Variants in E2F2 observed in about 807,000 individuals in gnomAD.
E2F2 encodes transcription factor E2F2.
E2F2 carries 22 observed loss-of-function variants against 42.2 expected under a neutral mutation model. The ratio of observed to expected loss-of-function variants is 0.52; its 90% CI spans 0.37 to 0.74. The LOEUF (loss-of-function observed/expected upper bound fraction) is 0.74, where lower values mean the gene tolerates loss of function less well. Ranked by LOEUF, E2F2 falls within the 30% of genes least tolerant of loss-of-function variation. The pLI, the probability that E2F2 is intolerant of heterozygous loss-of-function variation, is 0.00. For missense variants in E2F2, 481 were observed against 557.8 expected, an observed-to-expected ratio of 0.86 and a Z score of 1.39; for synonymous variants, 248 against 251.6, an observed-to-expected ratio of 0.99 and a Z score of 0.13.
chr1:23,521,721 A>G (rs1470776539), intron 3 of E2F2, 116 bp downstream of exon 3: 9 of 1,507,114 alleles, frequency 6.0e-6, no homozygotes, highest in Non-Finnish European at 8.0e-6. Flanking sequence ...CCTTGTGCCC[A>G]TTGGATGTTG....
chr1:23,519,162 C>CGGCCGGGCGCGG, intron 4 of E2F2, 32 bp from the exon 5 acceptor site: 1 of 1,586,058 alleles, frequency 6.3e-7, no homozygotes, highest in Non-Finnish European at 8.6e-7. Context: ...AAGTGACTGT[C>CGGCCGGGCGCGG]TGGTCAAAAT....
At chr1:23,514,643 C>T (rs953117813) in intron 6 of E2F2, among the ~76,000 whole-genome samples, 1 of 146,416 alleles carries the variant, frequency 6.8e-6, no homozygotes, top group Non-Finnish European at 1.5e-5. Flanking sequence ...GGCTGGCCAA[C>T]ATGGGGAAAC....
intron 2 of E2F2, among the ~76,000 whole-genome samples, chr1:23,524,104 C>CAAAAAA (rs371670414): frequency 2.1e-4 from 28 of 133,196 alleles, no homozygotes; most frequent in South Asian, 4.7e-4. Flanking sequence ...ACAACAACAA[C>CAAAAAA]AAAAAAAAAC....
At chr1:23,526,592 T>C (rs1643253909) in intron 1 of E2F2, among the ~76,000 whole-genome samples, 1 of 152,178 alleles carries the variant, frequency 6.6e-6, no homozygotes, top group South Asian at 2.1e-4. Flanking sequence ...ATGCTGAGCC[T>C]GTTACATGCT....
intron 1 of E2F2, among the ~76,000 whole-genome samples, chr1:23,527,780 A>T (rs529490298): frequency 6.6e-6 from 1 of 152,254 alleles, no homozygotes; most frequent in South Asian, 2.1e-4. Flanking sequence ...TGCCTTGTAG[A>T]GTTGTGTGTT....
At chr1:23,529,284 G>C (rs567698496) in intron 1 of E2F2, among the ~76,000 whole-genome samples, 1 of 152,292 alleles carries the variant, frequency 6.6e-6, no homozygotes, top group African/African-American at 2.4e-5. Flanking sequence ...CTGTAAAATG[G>C]GGATAATACC....
chr1:23,511,919 C>T (rs1293755905), intron 6 of E2F2, among the ~76,000 whole-genome samples: 1 of 152,138 alleles, frequency 6.6e-6, no homozygotes, highest in Non-Finnish European at 1.5e-5. Context: ...CTGGTTTGGC[C>T]TGGTGCGGTG....
chr1:23,506,361 A>G (rs983525995), downstream of E2F2: 1 of 152,424 alleles, frequency 6.6e-6, no homozygotes, highest in Non-Finnish European at 1.5e-5. Context: ...ACAGCCCCCA[A>G]CACCCAGCCT....
In E2F2 at chr1:23,527,635, T is replaced by G. The variant is rs533279647; in HGVS notation, c.252+2907A>C. Among the ~76,000 whole-genome samples, 4 of 152,336 alleles carry G rather than the reference T, an allele frequency of 2.6e-5. No homozygotes were observed. In the South Asian group the frequency reaches 6.2e-4, roughly 24 times the overall value. ...GTGGAGCCTGGTCTCTCCTAAGCCCTAAGTCAGATGGTGGGGGTAGGAGCA... is the reference window on the plus strand; with the variant it reads ...GTGGAGCCTGGTCTCTCCTAAGCCCGAAGTCAGATGGTGGGGGTAGGAGCA... On this transcript the variant is annotated intron_variant, in intron 1 of 6. Transcript: ENST00000361729.
rs1325916241 is a variant in E2F2 at position 23,530,021 on chromosome 1, G to T, written c.252+521C>A. Among the ~76,000 whole-genome samples, 3 of 152,146 alleles carry T rather than the reference G, an allele frequency of 2.0e-5. No homozygotes were observed. Among genetic ancestry groups the T allele is most frequent in the Non-Finnish European group, 4.4e-5 (3 of 68,026 alleles). ...GGAGGGAAGACTGGGCCTGGGGGAGGACCTAGGGCAGATACTTGGGGCTAT... is the reference window on the plus strand; with the variant it reads ...GGAGGGAAGACTGGGCCTGGGGGAGTACCTAGGGCAGATACTTGGGGCTAT... On this transcript the variant is annotated intron_variant, in intron 1 of 6. Coordinates refer to ENST00000361729, the MANE Select transcript of E2F2 (RefSeq NM_004091.4). The surrounding 1 kb of genome is among the most constrained non-coding windows in gnomAD (Gnocchi z 4.4).
Position 23,530,510 on chromosome 1 carries a change from T to C in E2F2, c.252+32A>G, listed in dbSNP as rs543540854. On this transcript the variant is annotated intron_variant, in intron 1 of 6. Coordinates refer to ENST00000361729, the MANE Select transcript of E2F2 (RefSeq NM_004091.4). This position sits in a 1 kb window ranked among gnomAD's most constrained non-coding sequence, Gnocchi z 4.4. The stretch of plus-strand genomic sequence containing the variant: ...CTCCTTTCCCACACCTGGAAAAGCA[T>C]AGGGGGAAGCGGTGGGGGCCCCCAG... 55 of 1,608,072 alleles carry C rather than the reference T, an allele frequency of 3.4e-5. 1 individual carries two copies. The South Asian group carries it at 4.2e-4, about 12-fold the overall frequency.
At chr1:23,528,985 A>G (rs1406197066) in intron 1 of E2F2, among the ~76,000 whole-genome samples, 1 of 152,148 alleles carries the variant, frequency 6.6e-6, no homozygotes, top group Non-Finnish European at 1.5e-5. Flanking sequence ...GGCTGAGGCA[A>G]GAGGATTGCT....
At chr1:23,523,845 G>C (rs891249553) in intron 2 of E2F2, among the ~76,000 whole-genome samples, 1 of 151,992 alleles carries the variant, frequency 6.6e-6, no homozygotes, top group African/African-American at 2.4e-5. Flanking sequence ...AGGCCGAGGC[G>C]GGTGGATCAT....
At position 23,530,624 on chromosome 1, in the gene E2F2, G is replaced by GCTGCGGGAGGCGCCGT; in HGVS notation, c.154_169dup (p.Ala57AspfsTer50). The GCTGCGGGAGGCGCCGT allele has an allele frequency of 6.2e-7, 1 of 1,613,120 alleles. No individual in the cohort carries two copies. The highest frequency in any genetic ancestry group is 1.1e-5 in the South Asian group (1 of 91,060). On this transcript the variant is annotated frameshift_variant, in exon 1 of 7. Coordinates refer to ENST00000361729, the MANE Select transcript of E2F2 (RefSeq NM_004091.4). LOFTEE classifies it high-confidence loss of function. The surrounding 1 kb of genome is among the most constrained non-coding windows in gnomAD (Gnocchi z 4.4). ...GGCGTCGAGGCAGGTGCCTGGCGCCGCTGCGGGAGGCGCCGTCTGCGGGTA... is the reference window on the plus strand; with the variant it reads ...GGCGTCGAGGCAGGTGCCTGGCGCCGCTGCGGGAGGCGCCGTCTGCGGGAGGCGCCGTCTGCGGGTA...
At chr1:23,526,062 C>A (rs1329311334) in intron 1 of E2F2, among the ~76,000 whole-genome samples, 1 of 152,128 alleles carries the variant, frequency 6.6e-6, no homozygotes, top group Non-Finnish European at 1.5e-5. Flanking sequence ...AGGAGCCCTG[C>A]TCCTTGGTTT....
chr1:23,525,804 TG>T (rs1455618285), intron 1 of E2F2, among the ~76,000 whole-genome samples: 1 of 152,188 alleles, frequency 6.6e-6, no homozygotes, highest in Non-Finnish European at 1.5e-5. Context: ...TACATCCTTC[TG>T]GGGGTCATCG....
intron 6 of E2F2, among the ~76,000 whole-genome samples, chr1:23,515,709 T>C (rs1449695167): frequency 2.0e-5 from 3 of 151,910 alleles, no homozygotes; most frequent in African/African-American, 7.3e-5. Flanking sequence ...TTTATTCTTA[T>C]TTTTATTTTT....
chr1:23,514,201 TGAAGCGAAGGTGGTTCCAGCTTCG>T (rs924722131), intron 6 of E2F2, among the ~76,000 whole-genome samples: 1 of 152,018 alleles, frequency 6.6e-6, no homozygotes, highest in Non-Finnish European at 1.5e-5. Context: ...AGAGGACAAC[TGAAGCGAAGGTGGTTCCAGCTTCG>T]GAGGGCTATG....
chr1:23,525,718 T>C (rs1337402457), intron 1 of E2F2, among the ~76,000 whole-genome samples: 1 of 152,198 alleles, frequency 6.6e-6, no homozygotes, highest in African/African-American at 2.4e-5. Flanking sequence ...GTTCTCAGCC[T>C]GTGTCTCAGC....
Sources: gnomAD v4.1 joint callset for allele counts (sites outside exome capture counted in the v4.1 genomes callset) on GRCh38, gnomAD v4.1.1 for gene constraint, Gnocchi (gnomAD v3.1) non-coding constraint, MANE v1.5 for transcripts, NCBI Gene and HGNC (gene_info 2026-07-23, HGNC 2026-07-21) for gene names.